The following DOCK8 variants were observed in gnomAD, a reference collection of about 807,000 sequenced individuals.
The protein encoded by DOCK8 is dedicator of cytokinesis protein 8.
A neutral mutation model predicts 245.6 loss-of-function variants in DOCK8; 141 were observed. The observed-to-expected ratio is 0.57, with a 90% CI of 0.50 to 0.66. The LOEUF is 0.66. Ranked by LOEUF, DOCK8 falls within the 30% of genes least tolerant of loss-of-function variation. The pLI is 0.00. For missense variants in DOCK8, 2,965 were observed against 2,603.4 expected, an observed-to-expected ratio of 1.14 and a Z score of -3.02; for synonymous variants, 1,168 against 970.2, an observed-to-expected ratio of 1.20 and a Z score of -3.79.
chr9:357,998 G>A (rs989777386), intron 14 of DOCK8, among the ~76,000 whole-genome samples: 5 of 152,200 alleles, frequency 3.3e-5, no homozygotes, highest in Admixed American at 6.5e-5. Flanking sequence ...GCATGAGGCC[G>A]TGGCCACAGA....
intron 33 of DOCK8, 152 bp from the exon 34 acceptor site, chr9:426,733 C>G: frequency 1.4e-6 from 1 of 692,766 alleles, no homozygotes. Flanking sequence ...CAGAAGGCAC[C>G]TGCACTGTAG....
chr9:453,725 C>A (rs1397236768), intron 46 of DOCK8, among the ~76,000 whole-genome samples: 1 of 152,168 alleles, frequency 6.6e-6, no homozygotes, highest in Non-Finnish European at 1.5e-5. Context: ...CCGTGCCCGG[C>A]CCTATTTTTT....
chr9:274,465 CTT>C (rs71312800), intron 2 of DOCK8, among the ~76,000 whole-genome samples: 1 of 144,974 alleles, frequency 6.9e-6, no homozygotes, highest in African/African-American at 2.5e-5. Flanking sequence ...GGATTGAATT[CTT>C]TTTTTTTTCT....
intron 1 of DOCK8, among the ~76,000 whole-genome samples, chr9:258,053 C>A (rs976900925): frequency 1.3e-5 from 2 of 152,146 alleles, no homozygotes; most frequent in Non-Finnish European, 2.9e-5. Context: ...AAGCAGTGTT[C>A]AAGGGCAAAC....
chr9:231,550 A>G (rs2047118175), intron 1 of DOCK8, among the ~76,000 whole-genome samples: 1 of 152,116 alleles, frequency 6.6e-6, no homozygotes, highest in Admixed American at 6.5e-5. Flanking sequence ...ATGTTCTTCC[A>G]TTTGTTTGTA....
chr9:432,668 G>A (rs2056760602), intron 37 of DOCK8, among the ~76,000 whole-genome samples: 1 of 152,124 alleles, frequency 6.6e-6, no homozygotes, highest in Non-Finnish European at 1.5e-5. Flanking sequence ...TAAACAATCT[G>A]GTGGCCAGGA....
intron 44 of DOCK8, 23 bp downstream of exon 44, chr9:446,629 C>G: frequency 6.2e-7 from 1 of 1,611,266 alleles, no homozygotes. Context: ...AGGGATTGGC[C>G]ACCACTGGAT....
At chr9:389,229 A>T (rs1007337619) in intron 23 of DOCK8, among the ~76,000 whole-genome samples, 4 of 152,192 alleles carry the variant, frequency 2.6e-5, no homozygotes, top group Non-Finnish European at 5.9e-5. Flanking sequence ...TTAGTCTTGA[A>T]CTTCTTCCTC....
chr9:263,285 A>G (rs1344459447), intron 1 of DOCK8, among the ~76,000 whole-genome samples: 1 of 151,266 alleles, frequency 6.6e-6, no homozygotes, highest in Non-Finnish European at 1.5e-5. Context: ...CATTTTGCCC[A>G]CTTGTTTCTT....
At chr9:239,912 C>G (rs1354759842) in intron 1 of DOCK8, among the ~76,000 whole-genome samples, 2 of 152,156 alleles carry the variant, frequency 1.3e-5, no homozygotes. Context: ...TGTAAGGATA[C>G]AGCGTAATTT....
chr9:365,687 A>C, intron 14 of DOCK8: 2 of 442,870 alleles, frequency 4.5e-6, no homozygotes, highest in East Asian at 1.4e-4. Flanking sequence ...TAACTTGCCA[A>C]AGGCCATGCA....
intron 4 of DOCK8, among the ~76,000 whole-genome samples, chr9:292,915 A>G (rs2049104720): frequency 6.6e-6 from 1 of 152,144 alleles, no homozygotes; most frequent in East Asian, 1.9e-4. Flanking sequence ...CTGTTCCCTT[A>G]TGTGTCTCCA....
At chr9:437,613 GT>G (rs1247113777) in intron 39 of DOCK8, among the ~76,000 whole-genome samples, 1 of 152,202 alleles carries the variant, frequency 6.6e-6, no homozygotes, top group Non-Finnish European at 1.5e-5. Context: ...GATGTCCAGT[GT>G]TGATTTTGCA....
rs538396735 is a variant in DOCK8 at position 369,740 on chromosome 9, C to T, written c.1798-490C>T. The stretch of plus-strand genomic sequence containing the variant: ...GGTCACTAATATAGCCCCTTGGAAC[C>T]TCATTTCACCCTTCATAGCCAGTTC... On this transcript the variant is annotated intron_variant, in intron 15 of 47. Coordinates refer to ENST00000432829, the MANE Select transcript of DOCK8 (RefSeq NM_203447.4). 1.7e-5 allele frequency: 3 copies of T among 176,746 alleles called. No homozygotes were observed. In the South Asian group the frequency reaches 3.8e-4, roughly 22 times the overall value. The allele number at this position is 176,746 out of a possible 1,614,324, so 10.9% of individuals were successfully genotyped here.
intron 24 of DOCK8, among the ~76,000 whole-genome samples, chr9:390,803 A>C (rs774219302): frequency 6.6e-6 from 1 of 152,056 alleles, no homozygotes; most frequent in African/African-American, 2.4e-5. Context: ...ACCTGGCCAC[A>C]CACCATCATC....
intron 4 of DOCK8, among the ~76,000 whole-genome samples, chr9:292,712 G>A (rs181645933): frequency 6.6e-6 from 1 of 152,002 alleles, no homozygotes; most frequent in African/African-American, 2.4e-5. Flanking sequence ...TCCCCAGTAT[G>A]CCTTTTGTCT....
chr9:274,781 C>T (rs1001044798), intron 2 of DOCK8, among the ~76,000 whole-genome samples: 9 of 152,164 alleles, frequency 5.9e-5, no homozygotes, highest in Admixed American at 5.9e-4. Flanking sequence ...TTTTAGAAAA[C>T]TTTCCTTAAA....
intron 26 of DOCK8, among the ~76,000 whole-genome samples, chr9:400,181 CCTCCTTCACCATCACCAT>C (rs2054773818): frequency 2.6e-5 from 3 of 114,718 alleles, no homozygotes; most frequent in South Asian, 3.0e-4. Context: ...ACCATCACCA[CCTCCTTCACCATCACCAT>C]CACCACCACC....
At chr9:248,299 C>G (rs931569623) in intron 1 of DOCK8, among the ~76,000 whole-genome samples, 1 of 152,194 alleles carries the variant, frequency 6.6e-6, no homozygotes, top group Admixed American at 6.5e-5. Context: ...ACCTTTAAGC[C>G]GTCAATACTG....
Sources: gnomAD v4.1 joint callset for allele counts (sites outside exome capture counted in the v4.1 genomes callset) on GRCh38, gnomAD v4.1.1 for gene constraint, MANE v1.5 for transcripts, NCBI Gene and HGNC (gene_info 2026-07-23, HGNC 2026-07-21) for gene names.